Variants in RBFOX1 observed in about 807,000 individuals in gnomAD.
RBFOX1 encodes RNA binding fox-1 homolog 1.
A neutral mutation model predicts 57.7 loss-of-function variants in RBFOX1; 8 were observed. That is an observed-to-expected ratio of 0.14 (90% CI 0.08 to 0.25). The LOEUF is 0.25. Ranked by LOEUF, RBFOX1 falls within the 10% of genes least tolerant of loss-of-function variation. The pLI, the probability that RBFOX1 is intolerant of heterozygous loss-of-function variation, is 1.00. For missense variants in RBFOX1, 611 were observed against 548.5 expected, an observed-to-expected ratio of 1.11 and a Z score of -1.14; for synonymous variants, 326 against 222.4, an observed-to-expected ratio of 1.47 and a Z score of -4.15.
chr16:7,451,223 A>G (rs1479253070), intron 4 of RBFOX1, among the ~76,000 whole-genome samples: 1 of 152,200 alleles, frequency 6.6e-6, no homozygotes, highest in African/African-American at 2.4e-5. Context: ...ATGGGACCTG[A>G]TATAATCATA....
chr16:6,794,566 T>C (rs1485797563), intron 3 of RBFOX1, among the ~76,000 whole-genome samples: 1 of 152,114 alleles, frequency 6.6e-6, no homozygotes, highest in African/African-American at 2.4e-5. Context: ...GTCATTTGCA[T>C]AGGCTGTTTA....
At chr16:7,072,362 G>A (rs189003006) in intron 4 of RBFOX1, among the ~76,000 whole-genome samples, 2 of 152,116 alleles carry the variant, frequency 1.3e-5, no homozygotes, top group Admixed American at 6.5e-5. Flanking sequence ...TTATTCCCTC[G>A]TTTGTTTTGT....
At chr16:6,069,684 GTAAC>G (rs1227388886) in intron 1 of RBFOX1, among the ~76,000 whole-genome samples, 1 of 152,096 alleles carries the variant, frequency 6.6e-6, no homozygotes, top group Admixed American at 6.6e-5. Flanking sequence ...CTTACATTAA[GTAAC>G]TAAGTAGAAG....
intron 2 of RBFOX1, among the ~76,000 whole-genome samples, chr16:6,394,379 G>A (rs1356995776): frequency 6.6e-6 from 1 of 152,216 alleles, no homozygotes; most frequent in African/African-American, 2.4e-5. Flanking sequence ...ATCGATGCAT[G>A]TGAATAAAAG....
intron 4 of RBFOX1, among the ~76,000 whole-genome samples, chr16:7,453,784 C>T (rs1055676098): frequency 1.9e-4 from 29 of 152,156 alleles, no homozygotes; most frequent in African/African-American, 6.7e-4. Flanking sequence ...TGTTGGGCAC[C>T]CTGATGAGAT....
chr16:7,492,413 C>T (rs1255212291), intron 4 of RBFOX1, among the ~76,000 whole-genome samples: 1 of 151,996 alleles, frequency 6.6e-6, no homozygotes, highest in African/African-American at 2.4e-5. Context: ...TCCCTATAAT[C>T]ATTCTTTAGT....
At chr16:6,442,212 T>C (rs1347720404) in intron 2 of RBFOX1, among the ~76,000 whole-genome samples, 2 of 152,106 alleles carry the variant, frequency 1.3e-5, no homozygotes, top group Admixed American at 6.6e-5. Context: ...GGTGGGACTT[T>C]GGTGCTTAAA....
intron 1 of RBFOX1, among the ~76,000 whole-genome samples, chr16:6,210,902 T>C (rs1438523781): frequency 6.6e-6 from 1 of 152,122 alleles, no homozygotes; most frequent in African/African-American, 2.4e-5. Flanking sequence ...CACTTTCTCT[T>C]AGGAAAACAC....
Position 7,333,057 on chromosome 16 carries a change from C to G in RBFOX1, c.28-185090C>G, listed in dbSNP as rs376061440. 1.1e-5 allele frequency: 17 copies of G among 1,613,730 alleles called. No individual in the cohort carries two copies. The highest frequency in any genetic ancestry group is 5.0e-5 in the Admixed American group (3 of 59,976). ...CCTTATGGCGTGCCTATGATTGTAC[C>G]GGCAGCTCCTTACCTTCCTGGACTG... On this transcript the variant is annotated intron_variant, in intron 4 of 15. Transcript: ENST00000550418.
chr16:5,970,509 A>G (rs112308165), intron 4 of RBFOX1, among the ~76,000 whole-genome samples: 81 of 152,282 alleles, frequency 5.3e-4, no homozygotes, highest in African/African-American at 1.8e-3. Context: ...GCCAGAATGC[A>G]CGCTAATCAC....
chr16:7,703,372 C>G (rs2081389258), intron 14 of RBFOX1, among the ~76,000 whole-genome samples: 1 of 152,088 alleles, frequency 6.6e-6, no homozygotes, highest in Non-Finnish European at 1.5e-5. Context: ...TTTAGGATGT[C>G]TTTGCTACCT....
intron 3 of RBFOX1, among the ~76,000 whole-genome samples, chr16:6,841,285 A>G (rs2093447748): frequency 6.6e-6 from 1 of 152,162 alleles, no homozygotes; most frequent in African/African-American, 2.4e-5. Flanking sequence ...GCGAGGTTTG[A>G]TAAGGACATT....
intron 1 of RBFOX1, among the ~76,000 whole-genome samples, chr16:5,376,521 G>A (rs962677617): frequency 6.6e-6 from 1 of 152,180 alleles, no homozygotes; most frequent in Non-Finnish European, 1.5e-5. Flanking sequence ...AGGGCAGTGG[G>A]AGAGTCGGGA....
At chr16:6,973,943 G>C (rs1176279148) in intron 3 of RBFOX1, among the ~76,000 whole-genome samples, 1 of 152,014 alleles carries the variant, frequency 6.6e-6, no homozygotes, top group Non-Finnish European at 1.5e-5. Flanking sequence ...CCATCTCCCA[G>C]CAGACCCCAG....
intron 1 of RBFOX1, among the ~76,000 whole-genome samples, chr16:6,234,112 G>A (rs931894721): frequency 3.3e-5 from 5 of 152,254 alleles, no homozygotes; most frequent in South Asian, 2.1e-4. Context: ...CCACTCATGA[G>A]GGGAGGAGCC....
In RBFOX1 at chr16:7,428,497, A is replaced by T. The variant is rs190337172; in HGVS notation, c.28-89650A>T. ...ATCCACTACCACTCCTGGCTATTTT[A>T]TTATTATTATTATTATTATTATTAT... On this transcript the variant is annotated intron_variant, in intron 4 of 15. Coordinates refer to ENST00000550418, the MANE Select transcript of RBFOX1 (RefSeq NM_018723.4). 8.0e-3 allele frequency among the ~76,000 whole-genome samples: 760 copies of T among 95,520 alleles called. 2 individuals are homozygous for T. The highest frequency in any genetic ancestry group is 9.6e-3 in the Non-Finnish European group (488 of 50,680). 62.7% of individuals were successfully genotyped at this position (95,520 alleles called of 152,430 possible).
At chr16:6,617,627 T>C (rs960846139) in intron 2 of RBFOX1, among the ~76,000 whole-genome samples, 2 of 152,228 alleles carry the variant, frequency 1.3e-5, no homozygotes, top group East Asian at 3.9e-4. Context: ...ATGCTTTGCA[T>C]GTGTTCCAGG....
intron 2 of RBFOX1, among the ~76,000 whole-genome samples, chr16:6,612,967 C>T (rs993161498): frequency 2.6e-5 from 4 of 151,348 alleles, no homozygotes; most frequent in African/African-American, 7.3e-5. Flanking sequence ...GTACAGTTCA[C>T]GTGCCAAGTG....
At chr16:6,034,819 A>T (rs1218319761) in intron 1 of RBFOX1, among the ~76,000 whole-genome samples, 1 of 152,062 alleles carries the variant, frequency 6.6e-6, no homozygotes, top group South Asian at 2.1e-4. Context: ...CCCTGCTCTC[A>T]TCCTGTTTCA....
Sources: allele counts gnomAD v4.1 joint callset (sites outside exome capture counted in the v4.1 genomes callset), GRCh38; gene constraint gnomAD v4.1.1; transcripts MANE v1.5; gene names NCBI Gene and HGNC (gene_info 2026-07-23, HGNC 2026-07-21).